The following NTRK3 variants were observed in gnomAD, a reference collection of about 807,000 sequenced individuals.
The protein encoded by NTRK3 is neurotrophic receptor tyrosine kinase 3.
A neutral mutation model predicts 91.7 loss-of-function variants in NTRK3; 24 were observed. That is an observed-to-expected ratio of 0.26 (90% CI 0.19 to 0.37). The LOEUF (loss-of-function observed/expected upper bound fraction) is 0.37, where lower values mean the gene tolerates loss of function less well. Ranked by LOEUF, NTRK3 falls within the 10% of genes least tolerant of loss-of-function variation. The pLI, the probability that NTRK3 is intolerant of heterozygous loss-of-function variation, is 1.00. For missense variants in NTRK3, 880 were observed against 1,068.9 expected (o/e 0.82, Z 2.46); for synonymous variants, 483 against 404.0 (o/e 1.20, Z -2.34).
chr15:88,050,781 A>G (rs1343384712), intron 13 of NTRK3, among the ~76,000 whole-genome samples: 1 of 152,208 alleles, frequency 6.6e-6, no homozygotes, highest in African/African-American at 2.4e-5. Flanking sequence ...ATTGAGGCTC[A>G]GAACTATTTT....
chr15:88,093,567 C>G (rs897866530), intron 13 of NTRK3, among the ~76,000 whole-genome samples: 1 of 152,192 alleles, frequency 6.6e-6, no homozygotes, highest in Non-Finnish European at 1.5e-5. Context: ...TAGACAGGCT[C>G]TGTCTTCATC....
intron 3 of NTRK3, among the ~76,000 whole-genome samples, chr15:88,242,549 C>T (rs950059775): frequency 6.6e-6 from 1 of 152,222 alleles, no homozygotes; most frequent in African/African-American, 2.4e-5. Context: ...TTGTCTAATA[C>T]CTGCCTCCCT....
chr15:88,060,086 G>T (rs992003213), intron 13 of NTRK3, among the ~76,000 whole-genome samples: 1 of 152,182 alleles, frequency 6.6e-6, no homozygotes, highest in Non-Finnish European at 1.5e-5. Context: ...AGGCCTGGTT[G>T]CCGTGAAGGA....
At chr15:87,980,453 C>A (rs2074141067) in intron 14 of NTRK3, among the ~76,000 whole-genome samples, 1 of 151,740 alleles carries the variant, frequency 6.6e-6, no homozygotes, top group Non-Finnish European at 1.5e-5. Context: ...ATGTGTACAC[C>A]TGTGTGTTTT....
chr15:87,984,887 T>C (rs1231183291), intron 14 of NTRK3, among the ~76,000 whole-genome samples: 1 of 152,158 alleles, frequency 6.6e-6, no homozygotes, highest in East Asian at 1.9e-4. Context: ...CACCAATTCC[T>C]ATTATCCTTC....
intron 5 of NTRK3, among the ~76,000 whole-genome samples, chr15:88,163,390 T>A (rs2044642711): frequency 6.6e-6 from 1 of 152,216 alleles, no homozygotes; most frequent in Non-Finnish European, 1.5e-5. Flanking sequence ...CATGACTTAC[T>A]GATATATCCC....
chr15:88,009,782 T>C (rs1012533153), intron 14 of NTRK3, among the ~76,000 whole-genome samples: 3 of 152,148 alleles, frequency 2.0e-5, no homozygotes, highest in Non-Finnish European at 4.4e-5. Context: ...ACTTTTCTAC[T>C]AGGACAGGTA....
In NTRK3 at chr15:88,097,655, G is replaced by A. The variant is rs571678163; in HGVS notation, c.1396+28616C>T. Reference sequence around the variant, plus strand: ...TTTGTAACTTAAGTGACCAATAAACGGGGAATGATTAAATTTAAAAAGACA... The same window carrying A: ...TTTGTAACTTAAGTGACCAATAAACAGGGAATGATTAAATTTAAAAAGACA... On this transcript the variant is annotated intron_variant, in intron 13 of 18. Coordinates refer to ENST00000394480, the Ensembl canonical transcript of NTRK3. 5.3e-5 allele frequency among the ~76,000 whole-genome samples: 8 copies of A among 152,242 alleles called. 1 individual carries two copies. The South Asian group carries it at 1.0e-3, about 20-fold the overall frequency.
At chr15:88,008,599 G>C (rs906035292) in intron 14 of NTRK3, among the ~76,000 whole-genome samples, 5 of 152,000 alleles carry the variant, frequency 3.3e-5, no homozygotes, top group Admixed American at 3.3e-4. Flanking sequence ...TGACCTTTAA[G>C]TGCTTCACAT....
chr15:87,980,797 T>C (rs772309779), intron 14 of NTRK3, among the ~76,000 whole-genome samples: 18 of 152,156 alleles, frequency 1.2e-4, no homozygotes, highest in African/African-American at 4.8e-5. Flanking sequence ...TTTGTGAAGA[T>C]AGAGGAAACC....
exon 19 of NTRK3, chr15:87,868,391 A>G (rs1394870495): frequency 4.5e-6 from 1 of 224,566 alleles, no homozygotes; most frequent in Non-Finnish European, 8.9e-6. Context: ...GAAACTTCCA[A>G]TTCTCCTAAA....
intron 3 of NTRK3, among the ~76,000 whole-genome samples, chr15:88,200,269 G>A (rs1299990837): frequency 2.6e-5 from 4 of 152,208 alleles, no homozygotes; most frequent in Non-Finnish European, 5.9e-5. Context: ...CCCAAGCCTA[G>A]GTCAGGCTGA....
chr15:88,228,155 C>T (rs372932565), intron 3 of NTRK3, among the ~76,000 whole-genome samples: 14 of 152,278 alleles, frequency 9.2e-5, no homozygotes, highest in African/African-American at 3.1e-4. Context: ...CTTCCTCTAT[C>T]TCTGGGCACG....
At chr15:88,236,514 T>TA (rs60187446) in intron 3 of NTRK3, among the ~76,000 whole-genome samples, 1,770 of 53,780 alleles carry the variant, frequency 0.033, 41 homozygotes, top group African/African-American at 0.072. Context: ...CCTCTATTAT[T>TA]AAAAAAAAAA....
At chr15:88,164,727 TC>T (rs1419136123) in intron 5 of NTRK3, among the ~76,000 whole-genome samples, 1 of 152,044 alleles carries the variant, frequency 6.6e-6, no homozygotes, top group African/African-American at 2.4e-5. Context: ...TAAAAACATC[TC>T]TTTTCTCCTT....
intron 14 of NTRK3, among the ~76,000 whole-genome samples, chr15:87,960,713 G>A (rs985731252): frequency 7.9e-5 from 12 of 152,038 alleles, no homozygotes; most frequent in Admixed American, 3.9e-4. Flanking sequence ...TTGAACTCCC[G>A]GCCTCAAAGA....
In NTRK3 at chr15:88,184,334, A is replaced by G. The variant is rs773273071; in HGVS notation, c.249-35T>C. 9 of 1,603,458 alleles carry G rather than the reference A, an allele frequency of 5.6e-6. No homozygotes were observed. In the South Asian group the frequency reaches 8.9e-5, roughly 16 times the overall value. On this transcript the variant is annotated intron_variant, in intron 3 of 18. Coordinates refer to ENST00000394480, the Ensembl canonical transcript of NTRK3. Reference sequence around the variant, plus strand: ...AGGAGGAAAGGTAACGGTCAGCCAGAAGCAACAGAAATGGGGCTGGCTTTG... The same window carrying G: ...AGGAGGAAAGGTAACGGTCAGCCAGGAGCAACAGAAATGGGGCTGGCTTTG...
intron 3 of NTRK3, among the ~76,000 whole-genome samples, chr15:88,197,103 A>AAAC: frequency 1.7e-5 from 2 of 120,220 alleles, no homozygotes; most frequent in Non-Finnish European, 3.2e-5. Context: ...ACAAAAAAAA[A>AAAC]AAAAAAAAAA....
intron 3 of NTRK3, among the ~76,000 whole-genome samples, chr15:88,222,164 T>C (rs1277974134): frequency 2.6e-5 from 4 of 152,192 alleles, no homozygotes; most frequent in Non-Finnish European, 4.4e-5. Context: ...AACTCAGAGA[T>C]TCTCTGTGAC....
Sources: gnomAD v4.1 joint callset for allele counts (sites outside exome capture counted in the v4.1 genomes callset) on GRCh38, gnomAD v4.1.1 for gene constraint, MANE v1.5 for transcripts, NCBI Gene and HGNC (gene_info 2026-07-23, HGNC 2026-07-21) for gene names.